CREB5: variants seen among roughly 807,000 people sequenced by gnomAD.
The protein encoded by CREB5 is cyclic AMP-responsive element-binding protein 5.
CREB5 carries 19 observed loss-of-function variants against 57.1 expected under a neutral mutation model. The ratio of observed to expected loss-of-function variants is 0.33; its 90% CI spans 0.23 to 0.49. The LOEUF (loss-of-function observed/expected upper bound fraction) is 0.49, where lower values mean the gene tolerates loss of function less well. Ranked by LOEUF, CREB5 falls within the 20% of genes least tolerant of loss-of-function variation. CREB5 has a pLI of 0.99. For missense variants in CREB5, 579 were observed against 671.6 expected (o/e 0.86, Z 1.52); for synonymous variants, 238 against 238.3 (o/e 1.00, Z 0.01).
chr7:28,399,892 TA>T (rs1210138552), intron 1 of CREB5, among the ~76,000 whole-genome samples: 1 of 151,158 alleles, frequency 6.6e-6, no homozygotes, highest in South Asian at 2.1e-4. Flanking sequence ...CTGTCTCCAC[TA>T]AAAAAAATAC....
In CREB5 at chr7:28,330,401, C is replaced by CCTT. The variant is rs775917974; in HGVS notation, c.-25+30960_-25+30961insCTT. The stretch of plus-strand genomic sequence containing the variant: ...TTTAGCTTGTGCTAAGAGAACCTTA[C>CCTT]TTTTTTTTTTTTTTTTTTTTGCATA... On this transcript the variant is annotated intron_variant, in intron 1 of 9. Transcript: ENST00000396299. Among the ~76,000 whole-genome samples the CCTT allele has an allele frequency of 9.1e-3, 805 of 88,486 alleles. 7 individuals carry two copies. Among genetic ancestry groups the CCTT allele is most frequent in the African/African-American group, 0.016 (337 of 20,586 alleles). 58.1% of individuals were successfully genotyped at this position (88,486 alleles called of 152,430 possible).
At chr7:28,548,714 CA>C (rs1315369738) in intron 4 of CREB5, among the ~76,000 whole-genome samples, 2 of 152,178 alleles carry the variant, frequency 1.3e-5, no homozygotes, top group Non-Finnish European at 2.9e-5. Context: ...ATCACACAAC[CA>C]GCTGTCCTAA....
intron 1 of CREB5, among the ~76,000 whole-genome samples, chr7:28,466,842 G>A (rs761183758): frequency 1.2e-4 from 19 of 152,318 alleles, no homozygotes; most frequent in East Asian, 7.7e-4. Context: ...GGTTCTGGGC[G>A]TCAGAACATG....
intron 7 of CREB5, among the ~76,000 whole-genome samples, chr7:28,773,519 T>A (rs1004612576): frequency 7.3e-6 from 1 of 137,140 alleles, no homozygotes; most frequent in African/African-American, 2.5e-5. Flanking sequence ...TATTTTAGGC[T>A]TTGTGAGTCA....
intron 6 of CREB5, among the ~76,000 whole-genome samples, chr7:28,721,205 A>C (rs1803014848): frequency 6.6e-6 from 1 of 152,164 alleles, no homozygotes; most frequent in African/African-American, 2.4e-5. Flanking sequence ...GGTCGGTGGG[A>C]AGGTACAGGC....
At chr7:28,394,618 T>C (rs1389500641) in intron 1 of CREB5, among the ~76,000 whole-genome samples, 1 of 152,212 alleles carries the variant, frequency 6.6e-6, no homozygotes, top group East Asian at 1.9e-4. Context: ...GAGCCCTTGC[T>C]TTTTCCTCAT....
intron 7 of CREB5, among the ~76,000 whole-genome samples, chr7:28,796,081 TA>T (rs1344637193): frequency 3.0e-4 from 45 of 152,152 alleles, no homozygotes; most frequent in Non-Finnish European, 8.8e-5. Flanking sequence ...GTGTGCATTT[TA>T]GTGCCATTTA....
At chr7:28,717,711 G>A (rs1195468084) in intron 5 of CREB5, among the ~76,000 whole-genome samples, 1 of 152,186 alleles carries the variant, frequency 6.6e-6, no homozygotes, top group East Asian at 1.9e-4. Flanking sequence ...AATTCTGGAA[G>A]CACTAGTTTC....
intron 5 of CREB5, among the ~76,000 whole-genome samples, chr7:28,626,564 A>G (rs929633073): frequency 2.6e-5 from 4 of 152,202 alleles, no homozygotes; most frequent in African/African-American, 9.6e-5. Flanking sequence ...TGGCACCAGG[A>G]TCTGCTCTCT....
chr7:28,746,411 A>G (rs1804682563), intron 7 of CREB5, among the ~76,000 whole-genome samples: 2 of 152,220 alleles, frequency 1.3e-5, no homozygotes, highest in African/African-American at 4.8e-5. Context: ...TGCTGCTCAA[A>G]GTGGGGTCCC....
intron 7 of CREB5, among the ~76,000 whole-genome samples, chr7:28,752,831 G>C (rs1805060490): frequency 6.6e-6 from 1 of 151,560 alleles, no homozygotes; most frequent in Non-Finnish European, 1.5e-5. Flanking sequence ...CTCTTACCTG[G>C]TAGGTCACTG....
At chr7:28,752,874 TTATTC>T (rs1805062725) in intron 7 of CREB5, among the ~76,000 whole-genome samples, 1 of 151,976 alleles carries the variant, frequency 6.6e-6, no homozygotes, top group Non-Finnish European at 1.5e-5. Flanking sequence ...CTTCTACTCT[TTATTC>T]TTTTCTAAAG....
intron 7 of CREB5, among the ~76,000 whole-genome samples, chr7:28,768,834 A>T (rs969846285): frequency 6.6e-6 from 1 of 152,234 alleles, no homozygotes; most frequent in African/African-American, 2.4e-5. Flanking sequence ...CCATCTTCCC[A>T]GAAGGAGGTA....
intron 1 of CREB5, among the ~76,000 whole-genome samples, chr7:28,442,894 AAT>A (rs1158743857): frequency 2.0e-5 from 3 of 152,202 alleles, no homozygotes; most frequent in Admixed American, 2.0e-4. Context: ...GCATATGTAA[AAT>A]ATGTCATTCA....
At chr7:28,555,245 T>A (rs1477941582) in intron 4 of CREB5, among the ~76,000 whole-genome samples, 1 of 152,298 alleles carries the variant, frequency 6.6e-6, no homozygotes, top group African/African-American at 2.4e-5. Flanking sequence ...GGCTGGCAAC[T>A]GTTCTCTCTT....
At chr7:28,802,078 GAAAAAAAAAA>G (rs35658848) in intron 7 of CREB5, among the ~76,000 whole-genome samples, 23 of 26,650 alleles carry the variant, frequency 8.6e-4, no homozygotes, top group East Asian at 2.9e-3. Flanking sequence ...GACTCCATCT[GAAAAAAAAAA>G]AAAAAAAAAA....
intron 1 of CREB5, among the ~76,000 whole-genome samples, chr7:28,390,960 A>G (rs1163078940): frequency 2.1e-5 from 3 of 142,502 alleles, no homozygotes; most frequent in Non-Finnish European, 4.7e-5. Flanking sequence ...ATAATATAAT[A>G]TATGTATAGC....
At chr7:28,590,278 C>A (rs1272049747) in intron 5 of CREB5, among the ~76,000 whole-genome samples, 1 of 151,996 alleles carries the variant, frequency 6.6e-6, no homozygotes, top group African/African-American at 2.4e-5. Context: ...GGAACCAACC[C>A]AAATGTCCAA....
At chr7:28,615,067 C>T (rs1372813231) in intron 5 of CREB5, 1 of 152,118 alleles carries the variant, frequency 6.6e-6, no homozygotes, top group Non-Finnish European at 1.5e-5. Context: ...AATTACTTTG[C>T]TTTATTTTTC....
Sources: allele counts gnomAD v4.1 joint callset (sites outside exome capture counted in the v4.1 genomes callset), GRCh38; gene constraint gnomAD v4.1.1; transcripts MANE v1.5; gene names NCBI Gene and HGNC (gene_info 2026-07-23, HGNC 2026-07-21).